Variants in PTK2B observed in about 807,000 individuals in gnomAD.
PTK2B encodes the protein protein tyrosine kinase 2 beta.
PTK2B carries 71 observed loss-of-function variants against 142.9 expected under a neutral mutation model. The observed-to-expected ratio is 0.50, with a 90% CI of 0.41 to 0.61. The LOEUF (loss-of-function observed/expected upper bound fraction) is 0.61, where lower values mean the gene tolerates loss of function less well. PTK2B is among the 20% of genes least tolerant of loss of function. The pLI is 0.00. For missense variants in PTK2B, 1,105 were observed against 1,320.4 expected, an observed-to-expected ratio of 0.84 and a Z score of 2.53; for synonymous variants, 519 against 503.4, an observed-to-expected ratio of 1.03 and a Z score of -0.42.
At chr8:27,378,489 T>C (rs1806803417) in intron 1 of PTK2B, among the ~76,000 whole-genome samples, 2 of 152,184 alleles carry the variant, frequency 1.3e-5, no homozygotes, top group Non-Finnish European at 2.9e-5. Context: ...CCTCACTTTT[T>C]AGATGAGAAA....
Position 27,363,295 on chromosome 8 carries a change from G to T in PTK2B, c.-37-34253G>T, listed in dbSNP as rs1399135906. ...AGGAACTGAGGCAGGTCCAGGGAAG[G>T]CCTGGGAGAGCAGAGGAGCTGTTTT... is the stretch of plus-strand genomic sequence containing the variant. On this transcript the variant is annotated intron_variant, in intron 1 of 30. Transcript: ENST00000346049. This position sits in a 1 kb window ranked among gnomAD's most constrained non-coding sequence, Gnocchi z 4.3. Among the ~76,000 whole-genome samples the T allele has an allele frequency of 6.6e-6, 1 of 152,214 alleles. No individual in the cohort carries two copies. Among genetic ancestry groups the T allele is most frequent in the Admixed American group, 6.5e-5 (1 of 15,286 alleles).
chr8:27,383,764 C>T (rs1807171802), intron 1 of PTK2B, among the ~76,000 whole-genome samples: 1 of 152,046 alleles, frequency 6.6e-6, no homozygotes, highest in Admixed American at 6.6e-5. Context: ...TAGCTCACTG[C>T]ATTCTTGACC....
chr8:27,382,250 A>G (rs747783285), intron 1 of PTK2B, among the ~76,000 whole-genome samples: 1 of 152,126 alleles, frequency 6.6e-6, no homozygotes, highest in Non-Finnish European at 1.5e-5. Context: ...ACCTGGTTAT[A>G]TGTCTTCTTT....
At chr8:27,359,668 T>G (rs1230719793) in intron 1 of PTK2B, among the ~76,000 whole-genome samples, 1 of 152,208 alleles carries the variant, frequency 6.6e-6, no homozygotes, top group African/African-American at 2.4e-5. Flanking sequence ...TTTAATTACT[T>G]GGATTAGAAT....
chr8:27,373,976 G>T (rs79088515), intron 1 of PTK2B, among the ~76,000 whole-genome samples: 5 of 151,746 alleles, frequency 3.3e-5, no homozygotes, highest in Non-Finnish European at 5.9e-5. Flanking sequence ...AGGAGGGATC[G>T]AACCAACCCT....
Position 27,377,154 on chromosome 8 carries a change from C to T in PTK2B, c.-37-20394C>T, listed in dbSNP as rs146161386. 2.0e-3 allele frequency among the ~76,000 whole-genome samples: 300 copies of T among 152,292 alleles called. 1 individual carries two copies. Among genetic ancestry groups the T allele is most frequent in the Non-Finnish European group, 3.5e-3 (235 of 68,026 alleles). ...TCCTTTAACATATCCTAGGAAAGAC[C>T]TCTTTGGTACTGAAAACCAACCAGA... On this transcript the variant is annotated intron_variant, in intron 1 of 30. Coordinates refer to ENST00000346049, the MANE Select transcript of PTK2B (RefSeq NM_173176.3).
chr8:27,311,472 C>T, upstream of PTK2B: 1 of 580,810 alleles, frequency 1.7e-6, no homozygotes. Context: ...GCGGGGTGGG[C>T]CTTCTGCCCG....
chr8:27,343,186 A>G (rs1030383322), intron 1 of PTK2B, among the ~76,000 whole-genome samples: 1 of 152,188 alleles, frequency 6.6e-6, no homozygotes, highest in Non-Finnish European at 1.5e-5. Context: ...ATTTCATTTT[A>G]TGATTGATCC....
intron 1 of PTK2B, among the ~76,000 whole-genome samples, chr8:27,362,786 TTCCCACGTGAAATCTAGAACTTC>T: frequency 6.6e-6 from 1 of 152,116 alleles, no homozygotes; most frequent in African/African-American, 2.4e-5. Flanking sequence ...TCTAGAACTG[TTCCCACGTGAAATCTAGAACTTC>T]TCCCACACGA....
chr8:27,406,243 G>A (rs749508894), intron 2 of PTK2B, among the ~76,000 whole-genome samples: 7 of 145,566 alleles, frequency 4.8e-5, no homozygotes, highest in African/African-American at 7.9e-5. Flanking sequence ...ACTCAGTCCA[G>A]AGTGATCTCA....
At chr8:27,366,919 AG>A (rs1479771096) in intron 1 of PTK2B, among the ~76,000 whole-genome samples, 1 of 152,050 alleles carries the variant, frequency 6.6e-6, no homozygotes, top group African/African-American at 2.4e-5. Context: ...CTGAGAAAAC[AG>A]GATGCAGCAG....
chr8:27,431,128 C>A, intron 8 of PTK2B, 112 bp downstream of exon 8: 1 of 1,510,770 alleles, frequency 6.6e-7, no homozygotes, highest in Non-Finnish European at 8.9e-7. Context: ...CTCACTCAGG[C>A]AGCAGGACCT....
At chr8:27,312,857 C>T (rs1336792773) in intron 2 of PTK2B, among the ~76,000 whole-genome samples, 1 of 152,134 alleles carries the variant, frequency 6.6e-6, no homozygotes, top group Non-Finnish European at 1.5e-5. Context: ...CCATAAGAGC[C>T]CGATTCCAGA....
At chr8:27,454,637 C>A in intron 30 of PTK2B, 26 bp downstream of exon 30, 2 of 1,606,622 alleles carry the variant, frequency 1.2e-6, no homozygotes, top group Non-Finnish European at 1.7e-6. Context: ...CAGACAGCAC[C>A]ATAGGCTGTT....
chr8:27,355,169 G>A (rs1369822244), intron 1 of PTK2B, among the ~76,000 whole-genome samples: 2 of 152,200 alleles, frequency 1.3e-5, no homozygotes, highest in South Asian at 2.1e-4. Flanking sequence ...AGACTTTGCA[G>A]ATGCAATTAA....
At position 27,430,375 on chromosome 8, in the gene PTK2B, G is replaced by A. The variant is rs1244428196; in HGVS notation, c.626G>A (p.Gly209Glu). ...SNFELLEKEVGLDLFFPKQMQ... is the reference protein window; with the variant it reads ...SNFELLEKEVELDLFFPKQMQ... ...CTTCCTTCTTGCAGAAAGGAAGTGG[G>A]GCTGGACTTGTTTTTCCCAAAGCAG... The change falls in exon 7 of 31, where the codon GGG (glycine) becomes GAG (glutamate). Residue 209 changes from glycine (G) to glutamate (E), a missense_variant. Physicochemically the swap from Gly to Glu is moderately conservative, Grantham distance 98 (BLOSUM62 -2). Transcript: ENST00000346049. The A allele has an allele frequency of 6.2e-7, 1 of 1,614,174 alleles. No individual in the cohort carries two copies. Among genetic ancestry groups the A allele is most frequent in the South Asian group, 1.1e-5 (1 of 91,078 alleles).
At chr8:27,316,732 C>G (rs1428488084) in intron 3 of PTK2B, among the ~76,000 whole-genome samples, 2 of 152,206 alleles carry the variant, frequency 1.3e-5, no homozygotes, top group African/African-American at 4.8e-5. Flanking sequence ...GGTGGGAGCT[C>G]TCAGTTGATC....
At chr8:27,438,831 C>T (rs1810966689) in intron 18 of PTK2B, among the ~76,000 whole-genome samples, 200 bp from the exon 19 acceptor site, 1 of 152,192 alleles carries the variant, frequency 6.6e-6, no homozygotes, top group East Asian at 1.9e-4. Flanking sequence ...GAGGGGCCAG[C>T]TGGGCTCCCA....
chr8:27,446,697 A>G (rs745907407), intron 24 of PTK2B, among the ~76,000 whole-genome samples: 1 of 152,216 alleles, frequency 6.6e-6, no homozygotes, highest in Non-Finnish European at 1.5e-5. Flanking sequence ...CTCTGCATGC[A>G]TGCACAATAT....
Sources: allele counts gnomAD v4.1 joint callset (sites outside exome capture counted in the v4.1 genomes callset), GRCh38; gene constraint gnomAD v4.1.1; non-coding constraint Gnocchi (gnomAD v3.1); transcripts MANE v1.5; gene names NCBI Gene and HGNC (gene_info 2026-07-23, HGNC 2026-07-21).